WDR7: variants seen among roughly 807,000 people sequenced by gnomAD.
The protein encoded by WDR7 is WD repeat domain 7.
In WDR7, 46 loss-of-function variants were observed where a neutral mutation model predicts 169.4. That is an observed-to-expected ratio of 0.27 (90% CI 0.21 to 0.35). The LOEUF (loss-of-function observed/expected upper bound fraction) is 0.35, where lower values mean the gene tolerates loss of function less well. Among genes scored for constraint, WDR7 ranks in the 10% least tolerant of loss-of-function variants. The pLI, the probability that WDR7 is intolerant of heterozygous loss-of-function variation, is 1.00. For missense variants in WDR7, 1,534 were observed against 1,859.3 expected (o/e 0.83, Z 3.22); for synonymous variants, 612 against 666.8 (o/e 0.92, Z 1.27).
intron 26 of WDR7, among the ~76,000 whole-genome samples, chr18:57,005,997 G>T (rs2048053092): frequency 6.6e-6 from 1 of 152,158 alleles, no homozygotes; most frequent in South Asian, 2.1e-4. Context: ...AGTCTTTTAA[G>T]CCTCAGAAGT....
chr18:56,841,532 TGA>T (rs1186425789), intron 20 of WDR7, among the ~76,000 whole-genome samples: 1 of 145,668 alleles, frequency 6.9e-6, no homozygotes, highest in Non-Finnish European at 1.5e-5. Context: ...GACGACAGAG[TGA>T]GACTCTGTCT....
At chr18:57,006,500 T>C (rs2048059996) in intron 26 of WDR7, among the ~76,000 whole-genome samples, 1 of 152,192 alleles carries the variant, frequency 6.6e-6, no homozygotes. Context: ...TGAATTGACC[T>C]TTTAGTTTTG....
intron 14 of WDR7, among the ~76,000 whole-genome samples, chr18:56,741,182 T>C (rs984375771): frequency 6.6e-6 from 1 of 152,174 alleles, no homozygotes; most frequent in African/African-American, 2.4e-5. Context: ...GACATAAAGC[T>C]TTGTGGCCCT....
intron 2 of WDR7, among the ~76,000 whole-genome samples, chr18:56,673,105 G>A (rs1301779229): frequency 6.6e-6 from 1 of 152,028 alleles, no homozygotes; most frequent in Non-Finnish European, 1.5e-5. Flanking sequence ...GGATTGCTCA[G>A]TGTGCTCTGC....
chr18:56,966,275 C>T (rs188504325), intron 26 of WDR7, among the ~76,000 whole-genome samples: 15 of 152,072 alleles, frequency 9.9e-5, no homozygotes, highest in African/African-American at 3.4e-4. Context: ...ATAAAAGTTA[C>T]GTCAAGTGTG....
intron 22 of WDR7, among the ~76,000 whole-genome samples, chr18:56,928,622 G>T (rs1410275083): frequency 1.3e-5 from 2 of 152,192 alleles, no homozygotes; most frequent in Non-Finnish European, 2.9e-5. Flanking sequence ...CTAGCCTTGT[G>T]CAGGGATATA....
intron 16 of WDR7, among the ~76,000 whole-genome samples, chr18:56,763,358 A>G (rs1470701150): frequency 6.6e-6 from 1 of 152,192 alleles, no homozygotes; most frequent in Admixed American, 6.5e-5. Flanking sequence ...TTCTGCATCT[A>G]TTGAAATGAT....
intron 26 of WDR7, among the ~76,000 whole-genome samples, chr18:56,973,110 A>G (rs191918130): frequency 3.3e-5 from 5 of 152,298 alleles, no homozygotes; most frequent in Non-Finnish European, 7.4e-5. Flanking sequence ...TCAAGTGATC[A>G]AGTGATCCGC....
chr18:56,992,832 C>G (rs1272342295), intron 26 of WDR7, among the ~76,000 whole-genome samples: 1 of 152,194 alleles, frequency 6.6e-6, no homozygotes, highest in African/African-American at 2.4e-5. Context: ...AAAGAACCTA[C>G]AGCATGCATT....
At chr18:56,847,005 A>G (rs188577887) in intron 20 of WDR7, among the ~76,000 whole-genome samples, 406 of 152,332 alleles carry the variant, frequency 2.7e-3, no homozygotes, top group African/African-American at 9.2e-3. Context: ...GAACTGGGTA[A>G]CAGGCAGACG....
chr18:56,900,090 A>G (rs1052834104), intron 21 of WDR7, among the ~76,000 whole-genome samples: 2 of 130,060 alleles, frequency 1.5e-5, no homozygotes, highest in South Asian at 4.5e-4. Context: ...GTGTATATAT[A>G]TATATATATA....
chr18:56,739,876 A>ATTTTTTTTT (rs58692081), intron 14 of WDR7, among the ~76,000 whole-genome samples: 4 of 138,086 alleles, frequency 2.9e-5, no homozygotes, highest in Non-Finnish European at 3.1e-5. Context: ...CCTAGATGTG[A>ATTTTTTTTT]TTTTTTTTTT....
intron 6 of WDR7, among the ~76,000 whole-genome samples, chr18:56,686,276 A>G (rs184553012): frequency 6.6e-6 from 1 of 152,282 alleles, no homozygotes; most frequent in East Asian, 1.9e-4. Context: ...ATTGCGCAGG[A>G]TATGTAGAGG....
intron 26 of WDR7, among the ~76,000 whole-genome samples, chr18:57,001,816 C>G (rs2047984545): frequency 6.6e-6 from 1 of 152,118 alleles, no homozygotes; most frequent in South Asian, 2.1e-4. Context: ...GCTTGTTTCT[C>G]TTAGCATCAC....
At chr18:56,887,070 G>A (rs533819625) in intron 21 of WDR7, among the ~76,000 whole-genome samples, 1 of 152,084 alleles carries the variant, frequency 6.6e-6, no homozygotes, top group South Asian at 2.1e-4. Flanking sequence ...TTTGAAAATT[G>A]TTACTACTAT....
At chr18:56,834,898 C>T (rs2045372493) in intron 20 of WDR7, among the ~76,000 whole-genome samples, 1 of 152,134 alleles carries the variant, frequency 6.6e-6, no homozygotes, top group South Asian at 2.1e-4. Flanking sequence ...TTTTTCAGTG[C>T]ATTAGTTATT....
chr18:56,710,073 G>T (rs1345584461), intron 12 of WDR7, among the ~76,000 whole-genome samples: 4 of 144,050 alleles, frequency 2.8e-5, no homozygotes, highest in Admixed American at 7.3e-5. Flanking sequence ...GCGCAATCTC[G>T]TCTCACTGCA....
At chr18:56,693,573 G>GTTTTTTTTTTTT (rs1254201598) in intron 9 of WDR7, among the ~76,000 whole-genome samples, 57 of 54,488 alleles carry the variant, frequency 1.0e-3, no homozygotes, top group South Asian at 2.1e-3. Context: ...TTTTTTTTTT[G>GTTTTTTTTTTTT]TTTTTTTTTT....
In WDR7 at chr18:56,774,035, T is replaced by G. The variant is rs568611082; in HGVS notation, c.2849-2747T>G. Among the ~76,000 whole-genome samples the G allele has an allele frequency of 3.3e-5, 5 of 152,216 alleles. No individual in the cohort carries two copies. In the East Asian group the frequency reaches 9.6e-4, roughly 29 times the overall value. On this transcript the variant is annotated intron_variant, in intron 16 of 27. Coordinates refer to ENST00000254442, the MANE Select transcript of WDR7 (RefSeq NM_015285.3). ...GAAAAAAACTTACTTTTTTAAACAT[T>G]GCATTTTTTTGTACTTTAAAAATTT... is the stretch of plus-strand genomic sequence containing the variant.
Sources: allele counts gnomAD v4.1 joint callset (sites outside exome capture counted in the v4.1 genomes callset), GRCh38; gene constraint gnomAD v4.1.1; transcripts MANE v1.5; gene names NCBI Gene and HGNC (gene_info 2026-07-23, HGNC 2026-07-21).